AKAP13: variants seen among roughly 807,000 people sequenced by gnomAD.
The protein encoded by AKAP13 is A-kinase anchoring protein 13.
In AKAP13, 80 loss-of-function variants were observed where a neutral mutation model predicts 264.5. The observed-to-expected ratio is 0.30, with a 90% CI of 0.25 to 0.36. AKAP13 has a LOEUF of 0.36. AKAP13 is among the 10% of genes least tolerant of loss of function. AKAP13 has a pLI of 1.00. For synonymous variants in AKAP13, 1,380 were observed against 1,250.2 expected (o/e 1.10, Z -2.19); for missense variants, 3,712 against 3,435.2 (o/e 1.08, Z -2.01).
chr15:85,554,950 G>C (rs755922099), intron 5 of AKAP13, among the ~76,000 whole-genome samples: 4 of 152,124 alleles, frequency 2.6e-5, no homozygotes, highest in Non-Finnish European at 5.9e-5. Flanking sequence ...GACAGTAGTT[G>C]CTTCAAGGAT....
chr15:85,442,526 A>G (rs7496656), intron 1 of AKAP13, among the ~76,000 whole-genome samples: 1 of 110,076 alleles, frequency 9.1e-6, no homozygotes, highest in Non-Finnish European at 1.8e-5. Flanking sequence ...ATATTATATT[A>G]TATATAATAT....
intron 19 of AKAP13, among the ~76,000 whole-genome samples, chr15:85,712,038 T>TGCCCAGGCTC (rs1207164114): frequency 6.6e-6 from 1 of 152,190 alleles, no homozygotes; most frequent in Non-Finnish European, 1.5e-5. Flanking sequence ...CTCACTACGT[T>TGCCCAGGCTC]GCCCAGGCTC....
intron 33 of AKAP13, among the ~76,000 whole-genome samples, chr15:85,739,607 A>C (rs946849121): frequency 6.6e-6 from 1 of 151,920 alleles, no homozygotes; most frequent in African/African-American, 2.4e-5. Context: ...GGTTTCTTCC[A>C]TTACTTCTGT....
intron 2 of AKAP13, among the ~76,000 whole-genome samples, chr15:85,500,132 T>C (rs1268048410): frequency 6.6e-6 from 1 of 152,196 alleles, no homozygotes; most frequent in African/African-American, 2.4e-5. Context: ...AGCCAATAAA[T>C]GAAACCACAC....
At position 85,442,423 on chromosome 15, in the gene AKAP13, A is replaced by ATATATAT. The variant is rs55699718; in HGVS notation, c.-11-43287_-11-43286insTATATAT. Among the ~76,000 whole-genome samples, 3 of 105,940 alleles carry ATATATAT rather than the reference A, an allele frequency of 2.8e-5. 1 individual carries two copies. The highest frequency in any genetic ancestry group is 7.7e-5 in the African/African-American group (2 of 25,848). The allele number at this position is 105,940 out of a possible 152,430, so 69.5% of individuals were successfully genotyped here. A position where few individuals can be genotyped will look rare whatever the true frequency, so the allele number is the denominator to read the frequency against. ...AGATTCTGTCTCAAAAAAAAAAAAAAATATATATATATATAATATAAAATA... is the reference window on the plus strand; with the variant it reads ...AGATTCTGTCTCAAAAAAAAAAAAAATATATATATATATATATATATAATATAAAATA... On this transcript the variant is annotated intron_variant, in intron 1 of 36. Coordinates refer to ENST00000394518, the MANE Select transcript of AKAP13 (RefSeq NM_007200.5).
rs80021155 is a variant in AKAP13 at position 85,684,101 on chromosome 15, A to G, written c.5157-640A>G. On this transcript the variant is annotated intron_variant, in intron 15 of 36. Coordinates refer to ENST00000394518, the MANE Select transcript of AKAP13 (RefSeq NM_007200.5). Reference sequence around the variant, plus strand: ...CCTTGGTTTGCAACTCCTATTAACAAGTACCCTGTCATTCTGCTACATATA... The same window carrying G: ...CCTTGGTTTGCAACTCCTATTAACAGGTACCCTGTCATTCTGCTACATATA... 5.9e-5 allele frequency among the ~76,000 whole-genome samples: 9 copies of G among 152,292 alleles called. No individual in the cohort carries two copies. In the East Asian group the frequency reaches 1.5e-3, roughly 26 times the overall value.
At chr15:85,685,276 A>G (rs1441543577) in intron 16 of AKAP13, 1 of 153,970 alleles carries the variant, frequency 6.5e-6, no homozygotes, top group Non-Finnish European at 1.4e-5. Context: ...TTTAAATGCA[A>G]CAGAAGGATT....
In AKAP13 at chr15:85,719,420, A is replaced by G. The variant is rs950188042; in HGVS notation, c.6252+94A>G. 11 of 1,478,898 alleles carry G rather than the reference A, an allele frequency of 7.4e-6. No homozygotes were observed. The South Asian group carries it at 1.1e-4, about 14-fold the overall frequency. 91.6% of individuals were successfully genotyped at this position (1,478,898 alleles called of 1,614,324 possible). A position where few individuals can be genotyped will look rare whatever the true frequency, so the allele number is the denominator to read the frequency against. ...CATGCATTCACATCTTCTTTCTACC[A>G]TTTATTATCTGTGTAAGCTCAGGGA... On this transcript the variant is annotated intron_variant, in intron 23 of 36. Transcript: ENST00000394518.
rs1341934729 is a variant in AKAP13, at chr15:85,581,563, A to G, written c.3495A>G (p.Ala1165=). 4 of 1,614,084 alleles carry G rather than the reference A, an allele frequency of 2.5e-6. No homozygotes were observed. The African/African-American group carries it at 5.3e-5, about 22-fold the overall frequency. Residue 1165 remains alanine (A), a synonymous_variant, in exon 7 of 37, where the codon GCA becomes GCG. Transcript: ENST00000394518. ...LDWEKGKLEG[A]DHSCTMGDAE... ...GGGAGAAAGGGAAGCTGGAGGGAGC[A>G]GACCACAGCTGTACCATGGGTGACG...
chr15:85,607,389 G>A (rs2080398621), intron 8 of AKAP13, among the ~76,000 whole-genome samples: 1 of 152,008 alleles, frequency 6.6e-6, no homozygotes, highest in African/African-American at 2.4e-5. Flanking sequence ...CACCCTTGTA[G>A]GCTGACTTAA....
At chr15:85,535,154 A>G (rs1263862215) in intron 4 of AKAP13, 1 of 152,268 alleles carries the variant, frequency 6.6e-6, no homozygotes, top group African/African-American at 2.4e-5. Flanking sequence ...ACAGGTGAGC[A>G]GTTCCTGAGG....
At position 85,740,242 on chromosome 15, in the gene AKAP13, T is replaced by G. The variant is rs1288949600; in HGVS notation, c.7578T>G (p.Val2526=). Residue 2526 remains valine, a synonymous_variant, in exon 34 of 37, where the codon GTT becomes GTG. Transcript: ENST00000394518. ...GGCAGCAGGTTGTCCAGAGCGTTGTTCATCTCTACGAGCTCCTCAGCGCTC... is the reference window on the plus strand; with the variant it reads ...GGCAGCAGGTTGTCCAGAGCGTTGTGCATCTCTACGAGCTCCTCAGCGCTC... ...RNSEQVVQSV[V]HLYELLSALQ... 1.2e-6 allele frequency: 2 copies of G among 1,614,084 alleles called. No homozygotes were observed. Among genetic ancestry groups the G allele is most frequent in the Non-Finnish European group, 1.7e-6 (2 of 1,180,030 alleles).
At chr15:85,423,922 A>T (rs2072644431) in intron 1 of AKAP13, among the ~76,000 whole-genome samples, 1 of 152,180 alleles carries the variant, frequency 6.6e-6, no homozygotes, top group African/African-American at 2.4e-5. Context: ...CTCTTGGGTG[A>T]CCCAGGTGCA....
chr15:85,472,260 T>C (rs1171005366), intron 1 of AKAP13, among the ~76,000 whole-genome samples: 1 of 151,016 alleles, frequency 6.6e-6, no homozygotes, highest in Non-Finnish European at 1.5e-5. Flanking sequence ...TAGTCCCAAG[T>C]ACTCGGGAGG....
intron 4 of AKAP13, chr15:85,535,868 C>T (rs1323128218): frequency 6.7e-6 from 1 of 149,810 alleles, no homozygotes; most frequent in Non-Finnish European, 1.5e-5. Flanking sequence ...GGTGCAATCT[C>T]GGCTCACTGC....
chr15:85,404,080 A>G (rs1385900706), intron 1 of AKAP13, among the ~76,000 whole-genome samples: 2 of 152,154 alleles, frequency 1.3e-5, no homozygotes, highest in East Asian at 3.9e-4. Flanking sequence ...TGTTGTTACC[A>G]TAGTATAATC....
intron 5 of AKAP13, among the ~76,000 whole-genome samples, chr15:85,571,618 C>A (rs2151291174): frequency 6.6e-6 from 1 of 152,342 alleles, no homozygotes; most frequent in South Asian, 2.1e-4. Flanking sequence ...ACCTTCATTC[C>A]TGCTTTAATC....
chr15:85,391,738 G>C (rs886673078), intron 1 of AKAP13, among the ~76,000 whole-genome samples: 1 of 151,486 alleles, frequency 6.6e-6, no homozygotes, highest in African/African-American at 2.4e-5. Context: ...ACCCACCTTG[G>C]CCTCCCAAAG....
intron 1 of AKAP13, among the ~76,000 whole-genome samples, chr15:85,460,986 G>A (rs1422873853): frequency 1.3e-5 from 2 of 151,950 alleles, no homozygotes; most frequent in African/African-American, 4.8e-5. Context: ...TAAGTTTGTG[G>A]TAGTTTATGA....
Sources: gnomAD v4.1 joint callset for allele counts (sites outside exome capture counted in the v4.1 genomes callset) on GRCh38, gnomAD v4.1.1 for gene constraint, MANE v1.5 for transcripts, NCBI Gene and HGNC (gene_info 2026-07-23, HGNC 2026-07-21) for gene names.